ERC2: variants seen among roughly 807,000 people sequenced by gnomAD.
ERC2 encodes ERC protein 2.
In ERC2, 42 loss-of-function variants were observed where a neutral mutation model predicts 114.8. The ratio of observed to expected loss-of-function variants is 0.37; its 90% CI spans 0.29 to 0.47. The LOEUF (loss-of-function observed/expected upper bound fraction) is 0.47, where lower values mean the gene tolerates loss of function less well. ERC2 is among the 20% of genes least tolerant of loss of function. The probability of loss-of-function intolerance (pLI) is 0.99; values close to 1 mark genes in which losing one functional copy is unlikely to be tolerated. For missense variants in ERC2, 939 were observed against 1,150.7 expected, an observed-to-expected ratio of 0.82 and a Z score of 2.66; for synonymous variants, 454 against 425.5, an observed-to-expected ratio of 1.07 and a Z score of -0.82.
chr3:55,765,975 C>T (rs1490896468), intron 14 of ERC2, among the ~76,000 whole-genome samples: 1 of 152,186 alleles, frequency 6.6e-6, no homozygotes, highest in Non-Finnish European at 1.5e-5. Context: ...GTCTTTTAAA[C>T]ATGGCTCAAG....
intron 2 of ERC2, among the ~76,000 whole-genome samples, chr3:56,352,021 T>C (rs1192144009): frequency 6.6e-6 from 1 of 152,022 alleles, no homozygotes; most frequent in East Asian, 1.9e-4. Flanking sequence ...AGGAAAGAAG[T>C]GGAAGGAAGG....
chr3:56,344,172 G>T (rs1252344555), intron 2 of ERC2, among the ~76,000 whole-genome samples: 1 of 152,146 alleles, frequency 6.6e-6, no homozygotes, highest in Non-Finnish European at 1.5e-5. Context: ...TGGAAAAAGT[G>T]GCAAGAAGGA....
At chr3:56,339,088 A>C (rs1007077102) in intron 2 of ERC2, among the ~76,000 whole-genome samples, 4 of 152,168 alleles carry the variant, frequency 2.6e-5, no homozygotes, top group African/African-American at 9.7e-5. Flanking sequence ...TGTCCCTCCC[A>C]GCTATGGGAG....
At chr3:56,225,665 CT>C (rs2050204215) in intron 3 of ERC2, among the ~76,000 whole-genome samples, 1 of 152,152 alleles carries the variant, frequency 6.6e-6, no homozygotes, top group South Asian at 2.1e-4. Flanking sequence ...TGTCTAACAC[CT>C]TCTTACTAAG....
intron 7 of ERC2, among the ~76,000 whole-genome samples, chr3:56,025,146 T>G (rs2073962280): frequency 6.6e-6 from 1 of 152,234 alleles, no homozygotes; most frequent in Non-Finnish European, 1.5e-5. Flanking sequence ...AATCTCTCCG[T>G]GTCCCTCAGA....
intron 14 of ERC2, among the ~76,000 whole-genome samples, chr3:55,850,873 C>CACAT (rs1402960391): frequency 6.6e-6 from 1 of 151,536 alleles, no homozygotes; most frequent in Non-Finnish European, 1.5e-5. Context: ...CACACACACA[C>CACAT]ACACACACAC....
chr3:56,260,545 C>T (rs1467263147), intron 3 of ERC2, among the ~76,000 whole-genome samples: 2 of 152,158 alleles, frequency 1.3e-5, no homozygotes, highest in African/African-American at 4.8e-5. Context: ...GGGAGGTGGG[C>T]CAGCTCTGGG....
Position 55,960,245 on chromosome 3 carries a change from C to T in ERC2, c.2268-9685G>A, listed in dbSNP as rs563881314. ...CCCTTTCCCAAAGAATAAAATTGCA[C>T]ACCAGTGAACTTTGCTGGCCAGTCT... On this transcript the variant is annotated intron_variant, in intron 12 of 17. Coordinates refer to ENST00000288221, the MANE Select transcript of ERC2 (RefSeq NM_015576.3). Among the ~76,000 whole-genome samples, 15 of 152,300 alleles carry T rather than the reference C, an allele frequency of 9.8e-5. 1 individual carries two copies. The South Asian group carries it at 3.1e-3, about 32-fold the overall frequency.
At chr3:56,465,439 A>G (rs2063501192) in intron 1 of ERC2, among the ~76,000 whole-genome samples, 1 of 152,206 alleles carries the variant, frequency 6.6e-6, no homozygotes, top group Admixed American at 6.5e-5. Context: ...CGGTCATGCT[A>G]TTACAAAAGA....
At chr3:55,913,043 T>A (rs1200065255) in intron 13 of ERC2, among the ~76,000 whole-genome samples, 1 of 152,178 alleles carries the variant, frequency 6.6e-6, no homozygotes, top group Non-Finnish European at 1.5e-5. Flanking sequence ...TGGAGTATAA[T>A]GGTGTGATCA....
intron 17 of ERC2, among the ~76,000 whole-genome samples, chr3:55,527,668 A>T (rs1303823736): frequency 6.6e-6 from 1 of 152,192 alleles, no homozygotes; most frequent in Non-Finnish European, 1.5e-5. Flanking sequence ...AAGTCTTCCC[A>T]TGACATCACA....
intron 14 of ERC2, among the ~76,000 whole-genome samples, chr3:55,840,351 G>C (rs1026282217): frequency 6.6e-6 from 1 of 151,834 alleles, no homozygotes; most frequent in African/African-American, 2.4e-5. Context: ...TCTAACACAG[G>C]TGACAATTAG....
intron 2 of ERC2, among the ~76,000 whole-genome samples, chr3:56,305,512 CCACACACACACACACACACACA>C (rs58751787): frequency 1.4e-5 from 2 of 144,336 alleles, no homozygotes; most frequent in African/African-American, 2.6e-5. Flanking sequence ...ACTCTCTTAT[CCACACACACACACACACACACA>C]CACACACACA....
chr3:56,228,331 T>C (rs979538532), intron 3 of ERC2, among the ~76,000 whole-genome samples: 2 of 152,352 alleles, frequency 1.3e-5, no homozygotes, highest in Middle Eastern at 3.4e-3. Flanking sequence ...TGAAATTCCA[T>C]GTTCATTAAA....
intron 3 of ERC2, among the ~76,000 whole-genome samples, chr3:56,194,419 G>A (rs1210818783): frequency 6.6e-6 from 1 of 152,164 alleles, no homozygotes; most frequent in Non-Finnish European, 1.5e-5. Flanking sequence ...AGGCACCACT[G>A]TACTCTACAG....
intron 6 of ERC2, among the ~76,000 whole-genome samples, chr3:56,107,148 TTGA>T (rs1340920583): frequency 6.6e-6 from 1 of 152,096 alleles, no homozygotes; most frequent in Admixed American, 6.5e-5. Context: ...GGCCAAGATA[TTGA>T]AGGGGGAAAT....
chr3:56,060,734 G>C (rs1469586095), intron 7 of ERC2, among the ~76,000 whole-genome samples: 1 of 152,122 alleles, frequency 6.6e-6, no homozygotes, highest in Non-Finnish European at 1.5e-5. Context: ...AATGGACCCT[G>C]TTCCATTGTA....
chr3:55,546,766 C>T (rs576523081), intron 17 of ERC2, among the ~76,000 whole-genome samples: 2 of 152,288 alleles, frequency 1.3e-5, no homozygotes, highest in South Asian at 2.1e-4. Context: ...TGTGTGCAAG[C>T]GCAGGCCTCT....
intron 3 of ERC2, among the ~76,000 whole-genome samples, chr3:56,268,488 A>T (rs2053467460): frequency 6.6e-6 from 1 of 152,198 alleles, no homozygotes; most frequent in Non-Finnish European, 1.5e-5. Context: ...AATAAATATA[A>T]GAGAATTCTA....
Sources: gnomAD v4.1 joint callset for allele counts (sites outside exome capture counted in the v4.1 genomes callset) on GRCh38, gnomAD v4.1.1 for gene constraint, MANE v1.5 for transcripts, NCBI Gene and HGNC (gene_info 2026-07-23, HGNC 2026-07-21) for gene names.